Variants in COG7 observed in about 807,000 individuals in gnomAD.
The protein encoded by COG7 is conserved oligomeric Golgi complex subunit 7.
COG7 carries 49 observed loss-of-function variants against 91.5 expected under a neutral mutation model. The observed-to-expected ratio is 0.54, with a 90% CI of 0.43 to 0.68. COG7 has a LOEUF of 0.68. COG7 is among the 30% of genes least tolerant of loss of function. COG7 has a pLI of 0.00. For missense variants in COG7, 895 were observed against 961.3 expected, an observed-to-expected ratio of 0.93 and a Z score of 0.91; for synonymous variants, 365 against 388.7, an observed-to-expected ratio of 0.94 and a Z score of 0.72.
intron 8 of COG7, 23 bp downstream of exon 8, chr16:23,418,677 G>A (rs750074145): frequency 6.2e-7 from 1 of 1,611,218 alleles, no homozygotes; most frequent in South Asian, 1.1e-5. Flanking sequence ...TTCCTCAGTG[G>A]CCCCAGGACA....
At chr16:23,449,633 C>T (rs538989696) in intron 1 of COG7, among the ~76,000 whole-genome samples, 6 of 150,182 alleles carry the variant, frequency 4.0e-5, no homozygotes, top group African/African-American at 1.5e-4. Context: ...CCCAGCTACT[C>T]GGGAGGCTGA....
At chr16:23,400,377 CAA>C (rs1257348145) in intron 13 of COG7, among the ~76,000 whole-genome samples, 1 of 152,092 alleles carries the variant, frequency 6.6e-6, no homozygotes, top group Non-Finnish European at 1.5e-5. Flanking sequence ...GGTTTGTCGG[CAA>C]AGAGGGGTGC....
chr16:23,398,715 ATC>A (rs940744345), intron 13 of COG7, among the ~76,000 whole-genome samples: 4 of 152,102 alleles, frequency 2.6e-5, no homozygotes, highest in South Asian at 2.1e-4. Context: ...CACCTTCTGG[ATC>A]TGTTTCTCAA....
chr16:23,416,620 A>C (rs1467003848), intron 9 of COG7: 4 of 341,442 alleles, frequency 1.2e-5, no homozygotes, highest in Middle Eastern at 1.0e-3. Context: ...GGCGTGATTC[A>C]CCGCACCAGG....
At chr16:23,399,442 A>G (rs1297490658) in intron 13 of COG7, among the ~76,000 whole-genome samples, 2 of 152,180 alleles carry the variant, frequency 1.3e-5, no homozygotes, top group African/African-American at 2.4e-5. Context: ...GTCTTGTGCT[A>G]AGCTTTGCAG....
At chr16:23,409,372 C>A (rs1369279628) in intron 11 of COG7, among the ~76,000 whole-genome samples, 1 of 152,162 alleles carries the variant, frequency 6.6e-6, no homozygotes, top group African/African-American at 2.4e-5. Context: ...TGAGAGATTT[C>A]TCTCATCCTG....
chr16:23,410,121 T>C (rs1963538228), intron 11 of COG7, among the ~76,000 whole-genome samples, 174 bp downstream of exon 11: 1 of 152,132 alleles, frequency 6.6e-6, no homozygotes, highest in African/African-American at 2.4e-5. Flanking sequence ...TTTTAGGTGC[T>C]CAATAAACGT....
intron 12 of COG7, 38 bp downstream of exon 12, chr16:23,406,038 C>T (rs887828353): frequency 5.6e-6 from 9 of 1,592,970 alleles, no homozygotes; most frequent in South Asian, 1.1e-5. Context: ...GAGAAGAAGC[C>T]TTTCATTTGC....
chr16:23,406,051 G>A, intron 12 of COG7, 25 bp downstream of exon 12: 1 of 1,605,720 alleles, frequency 6.2e-7, no homozygotes, highest in Non-Finnish European at 8.5e-7. Flanking sequence ...TCATTTGCAA[G>A]AATGCCATTC....
intron 6 of COG7, among the ~76,000 whole-genome samples, chr16:23,428,500 A>G (rs1963884054): frequency 6.6e-6 from 1 of 152,144 alleles, no homozygotes; most frequent in Non-Finnish European, 1.5e-5. Context: ...AAAGTTCCTC[A>G]ACATCCTTAG....
intron 6 of COG7, among the ~76,000 whole-genome samples, chr16:23,431,342 C>T (rs1374833680): frequency 6.6e-6 from 1 of 152,160 alleles, no homozygotes; most frequent in Non-Finnish European, 1.5e-5. Context: ...CACAGGCCAA[C>T]AGTATAAATC....
intron 3 of COG7, among the ~76,000 whole-genome samples, chr16:23,444,041 A>G (rs1305846355): frequency 6.6e-6 from 1 of 151,530 alleles, no homozygotes; most frequent in Non-Finnish European, 1.5e-5. Flanking sequence ...AATCCCAGGT[A>G]CTCGGGAGGC....
In COG7 at chr16:23,445,919, C is replaced by T. The variant is rs745329738; in HGVS notation, c.212G>A (p.Arg71His). ...CTCCTGTTTTAGGGCTTCAACATCA[C>T]GGAGCACTTTGGGCATGTTCTGGAG... ...QALQNMPKVLRDVEALKQEAS... is the reference protein window; with the variant it reads ...QALQNMPKVLHDVEALKQEAS... The change falls in exon 2 of 17, where the codon CGT (arginine) becomes CAT (histidine). Residue 71 changes from arginine to histidine, a missense_variant. Transcript: ENST00000307149. The T allele has an allele frequency of 8.1e-6, 13 of 1,611,446 alleles. No homozygotes were observed. The African/African-American group carries it at 8.1e-5, about 10-fold the overall frequency.
intron 6 of COG7, 128 bp downstream of exon 6, chr16:23,433,417 A>AT: frequency 8.0e-7 from 1 of 1,250,204 alleles, no homozygotes; most frequent in Non-Finnish European, 1.2e-6. Flanking sequence ...AACCCCTTGA[A>AT]TGACAGCAAC....
intron 7 of COG7, 55 bp from the exon 8 acceptor site, chr16:23,418,882 G>C: frequency 6.4e-7 from 1 of 1,557,298 alleles, no homozygotes; most frequent in Middle Eastern, 1.7e-4. Flanking sequence ...GAAATTAACT[G>C]TGGGAAAGCA....
intron 11 of COG7, among the ~76,000 whole-genome samples, chr16:23,409,090 C>T (rs190217247): frequency 5.0e-4 from 43 of 86,274 alleles, no homozygotes; most frequent in African/African-American, 1.8e-3. Flanking sequence ...TGTGTGTGTG[C>T]GTGCATGTGT....
intron 9 of COG7, chr16:23,416,765 C>T: frequency 1.6e-6 from 1 of 631,244 alleles, no homozygotes; most frequent in Admixed American, 2.6e-5. Flanking sequence ...AGTAACCTTC[C>T]CTAATGGGTA....
intron 6 of COG7, among the ~76,000 whole-genome samples, chr16:23,431,896 C>CT (rs1267762440): frequency 2.6e-5 from 4 of 151,060 alleles, no homozygotes; most frequent in Non-Finnish European, 4.4e-5. Context: ...AATCCCAGCA[C>CT]TTTGGGAGGC....
At chr16:23,450,585 T>C (rs1964250368) in intron 1 of COG7, among the ~76,000 whole-genome samples, 2 of 152,012 alleles carry the variant, frequency 1.3e-5, no homozygotes, top group Admixed American at 6.6e-5. Flanking sequence ...CCCAGCACTT[T>C]AGGAGGCAAA....
Sources: allele counts gnomAD v4.1 joint callset (sites outside exome capture counted in the v4.1 genomes callset), GRCh38; gene constraint gnomAD v4.1.1; transcripts MANE v1.5; gene names NCBI Gene and HGNC (gene_info 2026-07-23, HGNC 2026-07-21).